Variants in QSER1 observed in about 807,000 individuals in gnomAD.
QSER1 encodes glutamine and serine-rich protein 1.
QSER1 carries 49 observed loss-of-function variants against 158.5 expected under a neutral mutation model. That is an observed-to-expected ratio of 0.31 (90% CI 0.25 to 0.39). The LOEUF (loss-of-function observed/expected upper bound fraction) is 0.39. Among genes scored for constraint, QSER1 ranks in the 10% least tolerant of loss-of-function variants. The pLI is 1.00. For missense variants in QSER1, 1,754 were observed against 2,010.3 expected (o/e 0.87, Z 2.44); for synonymous variants, 650 against 715.5 (o/e 0.91, Z 1.46).
At chr11:32,912,982 A>C (rs1406028514) in intron 1 of QSER1, among the ~76,000 whole-genome samples, 1 of 152,030 alleles carries the variant, frequency 6.6e-6, no homozygotes, top group Non-Finnish European at 1.5e-5. Context: ...ATAAAATGTG[A>C]GATCCTTATT....
At chr11:32,957,755 G>A in intron 7 of QSER1, 114 bp from the exon 8 acceptor site, 1 of 824,646 alleles carries the variant, frequency 1.2e-6, no homozygotes, top group South Asian at 1.8e-5. Flanking sequence ...TATTTTGAAG[G>A]TATTGGTGAG....
At chr11:32,931,501 G>T (rs72901250) in intron 3 of QSER1, among the ~76,000 whole-genome samples, 3 of 151,704 alleles carry the variant, frequency 2.0e-5, no homozygotes, top group Admixed American at 2.0e-4. Context: ...AGCTATGATC[G>T]CAAGACTGCA....
At chr11:32,902,060 G>A (rs976065799) in intron 1 of QSER1, among the ~76,000 whole-genome samples, 2 of 152,196 alleles carry the variant, frequency 1.3e-5, no homozygotes, top group South Asian at 2.1e-4. Context: ...TCCAGTGTGG[G>A]CATAGGGAGT....
chr11:32,968,268 C>T (rs1392785539), intron 9 of QSER1, among the ~76,000 whole-genome samples: 1 of 151,902 alleles, frequency 6.6e-6, no homozygotes, highest in Non-Finnish European at 1.5e-5. Flanking sequence ...GACCTGGATT[C>T]TGGGTTGTTG....
In QSER1 at chr11:32,933,576, A is replaced by G. The variant is rs2297781; in HGVS notation, c.2318A>G (p.Gln773Arg). 0.068 allele frequency: 109,695 copies of G among 1,613,888 alleles called. 4,223 individuals are homozygous for G. The highest frequency in any genetic ancestry group is 0.12 in the South Asian group (10,508 of 91,052). ...GTTGGTTCAGTGACACAACTTAACC[A>G]ACAAATTGGCCAAGTCAATAATGCA... is the stretch of plus-strand genomic sequence containing the variant. The part of the protein sequence containing the change: ...SVVGSVTQLN[Q>R]QIGQVNNAAT... Residue 773 changes from glutamine (Q) to arginine (R), a missense_variant, in exon 4 of 13, where the codon CAA becomes CGA. Physicochemically the swap from Gln to Arg is conservative, Grantham distance 43. Transcript: ENST00000650167.
At chr11:32,949,722 G>A (rs1054621024) in intron 4 of QSER1, among the ~76,000 whole-genome samples, 1 of 152,220 alleles carries the variant, frequency 6.6e-6, no homozygotes, top group East Asian at 1.9e-4. Flanking sequence ...ACATAGTATG[G>A]GCTCCTAACG....
At chr11:32,908,886 A>T (rs1332511630) in intron 1 of QSER1, among the ~76,000 whole-genome samples, 1 of 152,178 alleles carries the variant, frequency 6.6e-6, no homozygotes. Flanking sequence ...TGGGCCAGGC[A>T]CAGTGATTCA....
At chr11:32,924,547 T>C (rs1472436634) in intron 1 of QSER1, among the ~76,000 whole-genome samples, 2 of 126,950 alleles carry the variant, frequency 1.6e-5, no homozygotes, top group Non-Finnish European at 3.2e-5. Flanking sequence ...GTGACCGGAG[T>C]GAGACCCTGT....
In QSER1 at chr11:32,933,341, A is replaced by G. The variant is rs763910469; in HGVS notation, c.2083A>G (p.Met695Val). The G allele has an allele frequency of 1.1e-5, 17 of 1,612,248 alleles. No individual in the cohort carries two copies. Among genetic ancestry groups the G allele is most frequent in the East Asian group, 2.2e-5 (1 of 44,894 alleles). Reference protein sequence around the residue: ...PSSKQEDGFPMQELQVLQPQA... With the variant: ...PSSKQEDGFPVQELQVLQPQA... ...TTCAAAGCAAGAAGATGGTTTTCCAATGCAAGAGTTACAGGTGTTGCAGCC... is the reference window on the plus strand; with the variant it reads ...TTCAAAGCAAGAAGATGGTTTTCCAGTGCAAGAGTTACAGGTGTTGCAGCC... Residue 695 changes from methionine (M) to valine (V), a missense_variant, in exon 4 of 13, where the codon ATG becomes GTG. Around this residue, in one of 2 missense-constraint regions of QSER1, gnomAD observed 1,707 missense variants for 1,919.6 expected, o/e 0.89. Coordinates refer to ENST00000650167, the MANE Select transcript of QSER1 (RefSeq NM_001076786.3).
chr11:32,935,742 T>TATAA (rs2133554004), intron 4 of QSER1, among the ~76,000 whole-genome samples: 1 of 152,392 alleles, frequency 6.6e-6, no homozygotes, highest in South Asian at 2.1e-4. Context: ...ATTGCTGTAG[T>TATAA]ATAAACCTGG....
At chr11:32,924,286 A>C (rs1851937872) in intron 1 of QSER1, among the ~76,000 whole-genome samples, 2 of 151,942 alleles carry the variant, frequency 1.3e-5, no homozygotes, top group Admixed American at 6.6e-5. Context: ...AGTGGAGGCC[A>C]GGTGTGGTGG....
At chr11:32,966,494 A>G (rs1852751491) in intron 9 of QSER1, 57 bp downstream of exon 9, 1 of 1,533,922 alleles carries the variant, frequency 6.5e-7, no homozygotes, top group African/African-American at 1.4e-5. Flanking sequence ...AAAAAAAGAA[A>G]TCTTGTCTGT....
chr11:32,933,084 G>A lies in QSER1; in HGVS notation c.1826G>A (p.Arg609Gln), dbSNP rs750333325. ...TCTCTTTCTTATTCTTCTGCCTCTC[G>A]GGCTCAGAATTTGCCAGACTCTAGC... ...APSLSYSSAS[R>Q]AQNLPDSSPT... is the part of the protein sequence containing the mutation. The change falls in exon 4 of 13, where the codon CGG becomes CAG. Residue 609 changes from arginine (R) to glutamine (Q), a missense_variant. Coordinates refer to ENST00000650167, the MANE Select transcript of QSER1 (RefSeq NM_001076786.3). The A allele has an allele frequency of 1.7e-4, 273 of 1,613,556 alleles. No individual in the cohort carries two copies. Among genetic ancestry groups the A allele is most frequent in the East Asian group, 2.5e-4 (11 of 44,888 alleles).
Position 32,979,153 on chromosome 11 carries a change from T to A in QSER1, c.*2679T>A, listed in dbSNP as rs1299411243. 2.0e-5 allele frequency: 3 copies of A among 152,680 alleles called. No homozygotes were observed. Among genetic ancestry groups the A allele is most frequent in the African/African-American group, 7.2e-5 (3 of 41,462 alleles). The allele number at this position is 152,680 out of a possible 1,614,324, so 9.5% of individuals were successfully genotyped here. On this transcript the variant is annotated 3_prime_UTR_variant, in exon 13 of 13. Coordinates refer to ENST00000650167, the MANE Select transcript of QSER1 (RefSeq NM_001076786.3). ...CACTGTCAAATACGCGGTCTGTCTT[T>A]GAAAAGTTGTAATGCGGCGCATGAC...
intron 1 of QSER1, among the ~76,000 whole-genome samples, chr11:32,903,750 T>G (rs1194834929): frequency 1.3e-5 from 2 of 151,998 alleles, no homozygotes; most frequent in African/African-American, 4.8e-5. Context: ...TAGCCGAGAT[T>G]ACAGATGCCC....
At chr11:32,960,451 C>T (rs1369263190) in intron 8 of QSER1, among the ~76,000 whole-genome samples, 1 of 151,948 alleles carries the variant, frequency 6.6e-6, no homozygotes, top group African/African-American at 2.4e-5. Context: ...CCCAGCTACT[C>T]AGGAGGCTGA....
rs188741392 is a variant in QSER1 at position 32,893,422 on chromosome 11, A to C, written c.209+88A>C. 13 of 152,198 alleles carry C rather than the reference A, an allele frequency of 8.5e-5. No homozygotes were observed. The East Asian group carries it at 2.3e-3, about 27-fold the overall frequency. The allele number at this position is 152,198 out of a possible 1,614,324, so 9.4% of individuals were successfully genotyped here. ...TTCGCTCGGTTGCAGCGCCGCCCAGAGGTCTGGGCCGGGCGGGGAGCCCTC... is the reference window on the plus strand; with the variant it reads ...TTCGCTCGGTTGCAGCGCCGCCCAGCGGTCTGGGCCGGGCGGGGAGCCCTC... On this transcript the variant is annotated intron_variant, in intron 1 of 12. Transcript: ENST00000650167. The surrounding 1 kb of genome is among the most constrained non-coding windows in gnomAD (Gnocchi z 4.7).
chr11:32,921,689 T>C (rs1851901566), intron 1 of QSER1, among the ~76,000 whole-genome samples: 1 of 152,208 alleles, frequency 6.6e-6, no homozygotes, highest in South Asian at 2.1e-4. Flanking sequence ...ACTTTTAAGA[T>C]GGTATAGTTT....
At position 32,976,315 on chromosome 11, in the gene QSER1, G is replaced by A; in HGVS notation, c.5455-19G>A. The A allele has an allele frequency of 1.3e-6, 2 of 1,570,194 alleles. No individual in the cohort carries two copies. The highest frequency in any genetic ancestry group is 2.3e-5 in the East Asian group (1 of 44,030). On this transcript the variant is annotated intron_variant, in intron 12 of 12. Transcript: ENST00000650167. ...TGATGTGATAAGTATAAGCTAATTT[G>A]GCGATTTTCTTTTTTTAGATTTCTT...
Sources: allele counts gnomAD v4.1 joint callset (sites outside exome capture counted in the v4.1 genomes callset), GRCh38; gene constraint gnomAD v4.1.1; regional missense constraint gnomAD v4.1.1; non-coding constraint Gnocchi (gnomAD v3.1); transcripts MANE v1.5; gene names NCBI Gene and HGNC (gene_info 2026-07-23, HGNC 2026-07-21).